The following SNX31 variants were observed in gnomAD, a reference collection of about 807,000 sequenced individuals.
SNX31 encodes the protein sorting nexin 31.
A neutral mutation model predicts 65.4 loss-of-function variants in SNX31; 58 were observed. That is an observed-to-expected ratio of 0.89 (90% confidence interval 0.72 to 1.10). SNX31 has a LOEUF of 1.10. Among genes scored for constraint, SNX31 ranks in the 50% least tolerant of loss-of-function variants. The pLI is 0.00. For synonymous variants in SNX31, 181 were observed against 190.1 expected (o/e 0.95, Z 0.39); for missense variants, 523 against 529.7 (o/e 0.99, Z 0.12).
intron 1 of SNX31, among the ~76,000 whole-genome samples, chr8:100,654,706 A>T (rs1820029291): frequency 6.6e-6 from 1 of 152,232 alleles, no homozygotes; most frequent in African/African-American, 2.4e-5. Context: ...GAATTGAAAG[A>T]TGAAGATGGA....
intron 4 of SNX31, chr8:100,618,117 CT>C: frequency 1.0e-6 from 1 of 985,402 alleles, no homozygotes; most frequent in Non-Finnish European, 1.2e-6. Context: ...CAATCCACAG[CT>C]TCCTTTTTTG....
intron 2 of SNX31, among the ~76,000 whole-genome samples, chr8:100,638,535 T>C (rs1818935214): frequency 6.6e-6 from 1 of 152,248 alleles, no homozygotes; most frequent in African/African-American, 2.4e-5. Flanking sequence ...CTGATGCATT[T>C]TTTTGGTGGT....
intron 11 of SNX31, among the ~76,000 whole-genome samples, chr8:100,586,533 C>T (rs1454798201): frequency 2.0e-5 from 3 of 152,156 alleles, no homozygotes; most frequent in Admixed American, 2.0e-4. Context: ...AATTTAACCG[C>T]ACTTAGCATT....
intron 1 of SNX31, chr8:100,663,107 G>A (rs1294097613): frequency 6.6e-6 from 1 of 152,164 alleles, no homozygotes; most frequent in African/African-American, 2.4e-5. Flanking sequence ...AACAAACACT[G>A]GAGGCTCCAA....
chr8:100,597,538 T>C (rs1039311659), intron 9 of SNX31, among the ~76,000 whole-genome samples: 5 of 152,246 alleles, frequency 3.3e-5, no homozygotes, highest in African/African-American at 4.8e-5. Flanking sequence ...CCACTGTGCC[T>C]GGCCTAAAAT....
intron 4 of SNX31, among the ~76,000 whole-genome samples, chr8:100,621,896 G>A (rs1245685370): frequency 6.6e-6 from 1 of 152,222 alleles, no homozygotes; most frequent in Non-Finnish European, 1.5e-5. Flanking sequence ...AAGGAAGGAA[G>A]GGCAGGGTCC....
At chr8:100,652,736 C>T (rs1176130338), upstream of SNX31, among the ~76,000 whole-genome samples, 1 of 152,136 alleles carries the variant, frequency 6.6e-6, no homozygotes, top group African/African-American at 2.4e-5. Flanking sequence ...TGTTCTGGAA[C>T]TTTCCACGTC....
At chr8:100,617,963 A>G (rs1817373068) in intron 4 of SNX31, 1 of 489,236 alleles carries the variant, frequency 2.0e-6, no homozygotes, top group South Asian at 8.8e-5. Flanking sequence ...ACGGGGTTTT[A>G]CTGTGTTGGC....
At chr8:100,583,073 G>A (rs1478463103) in intron 12 of SNX31, among the ~76,000 whole-genome samples, 1 of 150,946 alleles carries the variant, frequency 6.6e-6, no homozygotes. Flanking sequence ...AAAGAATTAA[G>A]TTTATGAATG....
chr8:100,633,775 A>C (rs1818567977), intron 3 of SNX31, among the ~76,000 whole-genome samples: 3 of 152,232 alleles, frequency 2.0e-5, no homozygotes, highest in African/African-American at 7.2e-5. Context: ...CAAGGAAAAA[A>C]GAATGATAAG....
intron 5 of SNX31, among the ~76,000 whole-genome samples, chr8:100,616,245 A>G (rs1415108524): frequency 6.6e-6 from 1 of 152,108 alleles, no homozygotes; most frequent in Non-Finnish European, 1.5e-5. Context: ...ACCCCAAACT[A>G]TCACCACCAC....
chr8:100,581,789 C>T (rs1432915224), intron 12 of SNX31, among the ~76,000 whole-genome samples: 2 of 150,910 alleles, frequency 1.3e-5, no homozygotes, highest in African/African-American at 4.9e-5. Context: ...CGCCATGGTA[C>T]ATTTATATGG....
At chr8:100,574,018 A>G (rs1812830604) in intron 13 of SNX31, 58 bp from the exon 14 acceptor site, 1 of 1,042,640 alleles carries the variant, frequency 9.6e-7, no homozygotes, top group Non-Finnish European at 1.4e-6. Flanking sequence ...TTCCATAACA[A>G]TAACAAAGTC....
At position 100,628,750 on chromosome 8, in the gene SNX31, A is replaced by T. The variant is rs545666685; in HGVS notation, c.321+1577T>A. 2.0e-5 allele frequency among the ~76,000 whole-genome samples: 3 copies of T among 152,020 alleles called. No homozygotes were observed. In the South Asian group the frequency reaches 6.2e-4, roughly 32 times the overall value. On this transcript the variant is annotated intron_variant, in intron 4 of 13. Coordinates refer to ENST00000311812, the MANE Select transcript of SNX31 (RefSeq NM_152628.4). ...AAACTTAAAGTATAATAATAATAAAATTTTTTTAAAAAAGCAAGTTGAAAA... is the reference window on the plus strand; with the variant it reads ...AAACTTAAAGTATAATAATAATAAATTTTTTTTAAAAAAGCAAGTTGAAAA...
intron 12 of SNX31, among the ~76,000 whole-genome samples, chr8:100,580,219 G>A (rs1423687804): frequency 6.6e-6 from 1 of 150,780 alleles, no homozygotes; most frequent in East Asian, 2.0e-4. Flanking sequence ...GCATACTCCT[G>A]ATGTACATCT....
At chr8:100,634,967 G>A (rs1818655954) in intron 3 of SNX31, among the ~76,000 whole-genome samples, 1 of 136,948 alleles carries the variant, frequency 7.3e-6, no homozygotes, top group Non-Finnish European at 1.5e-5. Flanking sequence ...GGAAGCTGTG[G>A]TGGGAGGATT....
At chr8:100,636,677 C>T (rs974267568) in intron 2 of SNX31, among the ~76,000 whole-genome samples, 64 of 151,732 alleles carry the variant, frequency 4.2e-4, no homozygotes, top group South Asian at 4.1e-4. Context: ...TTTAATGTGC[C>T]TATCAGAAAA....
At chr8:100,623,300 G>C (rs1481677669) in intron 4 of SNX31, among the ~76,000 whole-genome samples, 1 of 152,092 alleles carries the variant, frequency 6.6e-6, no homozygotes, top group Non-Finnish European at 1.5e-5. Flanking sequence ...CAGCAACAAG[G>C]GGGAGGGCGC....
rs377104850 is a variant in SNX31, at chr8:100,626,535, C to T, written c.321+3792G>A. 1.8e-3 allele frequency among the ~76,000 whole-genome samples: 274 copies of T among 152,256 alleles called. 1 individual carries two copies. The highest frequency in any genetic ancestry group is 6.2e-3 in the African/African-American group (257 of 41,554). ...AGGGTAGCATGTTCATAAGAAAGTG[C>T]TCAGAAACAAGAAACAAGAACTGGA... On this transcript the variant is annotated intron_variant, in intron 4 of 13. Coordinates refer to ENST00000311812, the MANE Select transcript of SNX31 (RefSeq NM_152628.4). The surrounding 1 kb of genome is among the most constrained non-coding windows in gnomAD (Gnocchi z 4.4).
Sources: allele counts gnomAD v4.1 joint callset (sites outside exome capture counted in the v4.1 genomes callset), GRCh38; gene constraint gnomAD v4.1.1; non-coding constraint Gnocchi (gnomAD v3.1); transcripts MANE v1.5; gene names NCBI Gene and HGNC (gene_info 2026-07-23, HGNC 2026-07-21).